ATG10: variants seen among roughly 807,000 people sequenced by gnomAD.
ATG10 encodes the protein autophagy related 10.
Under a neutral mutation model 32.1 loss-of-function variants are expected in ATG10, and 30 were observed. The ratio of observed to expected loss-of-function variants is 0.94; its 90% CI spans 0.70 to 1.27. The LOEUF (loss-of-function observed/expected upper bound fraction) is 1.27. Among genes scored for constraint, ATG10 ranks in the 50% most tolerant of loss-of-function variants. The pLI, the probability that ATG10 is intolerant of heterozygous loss-of-function variation, is 0.00. For synonymous variants in ATG10, 87 were observed against 91.5 expected (o/e 0.95, Z 0.28); for missense variants, 233 against 262.3 (o/e 0.89, Z 0.77).
At chr5:82,206,702 C>T (rs1345914259) in intron 5 of ATG10, among the ~76,000 whole-genome samples, 1 of 151,918 alleles carries the variant, frequency 6.6e-6, no homozygotes, top group African/African-American at 2.4e-5. Context: ...GTATACAGAT[C>T]CTTAATTATC....
chr5:82,235,500 AAAAC>A (rs1484309065), intron 5 of ATG10, among the ~76,000 whole-genome samples: 9 of 152,198 alleles, frequency 5.9e-5, no homozygotes, highest in Middle Eastern at 3.2e-3. Flanking sequence ...TTTTATTCTC[AAAAC>A]AAACAAACAA....
chr5:82,196,810 T>C (rs1744867078), intron 5 of ATG10, among the ~76,000 whole-genome samples: 1 of 152,232 alleles, frequency 6.6e-6, no homozygotes, highest in East Asian at 1.9e-4. Context: ...AGTCATTTTT[T>C]GAAATTGGGA....
intron 2 of ATG10, among the ~76,000 whole-genome samples, chr5:82,000,241 A>G (rs1247292705): frequency 6.6e-6 from 1 of 152,238 alleles, no homozygotes. Context: ...CAATAGATGC[A>G]GAAGACCTTT....
At chr5:82,139,121 G>T (rs1285062146) in intron 3 of ATG10, among the ~76,000 whole-genome samples, 1 of 146,196 alleles carries the variant, frequency 6.8e-6, no homozygotes, top group Admixed American at 6.7e-5. Flanking sequence ...CGGGATTGCA[G>T]ACGGAGTCTC....
chr5:82,094,566 A>G (rs1379571304), intron 3 of ATG10, among the ~76,000 whole-genome samples: 2 of 152,168 alleles, frequency 1.3e-5, no homozygotes, highest in Non-Finnish European at 2.9e-5. Flanking sequence ...ATCTAGAAAT[A>G]CATCCTAAGC....
At position 81,996,033 on chromosome 5, in the gene ATG10, CTTAAA is replaced by C. The variant is rs538033450; in HGVS notation, c.108+8358_108+8362del. On this transcript the variant is annotated intron_variant, in intron 2 of 7. Coordinates refer to ENST00000282185, the MANE Select transcript of ATG10 (RefSeq NM_031482.5). ...GCGATTGCTAAATATTTGATTTTTACTTAAATTTAATTATTCACTTTAAATTTATT... is the reference window on the plus strand; with the variant it reads ...GCGATTGCTAAATATTTGATTTTTACTTTAATTATTCACTTTAAATTTATT... Among the ~76,000 whole-genome samples the C allele has an allele frequency of 6.8e-4, 104 of 152,298 alleles. 1 individual carries two copies. The South Asian group carries it at 0.018, about 26-fold the overall frequency.
At chr5:82,188,818 T>G (rs76570691) in intron 5 of ATG10, among the ~76,000 whole-genome samples, 1 of 152,162 alleles carries the variant, frequency 6.6e-6, no homozygotes, top group South Asian at 2.1e-4. Context: ...CTTTTTTTTT[T>G]GTACAATAGT....
chr5:82,225,688 C>T (rs1181746529), intron 5 of ATG10, among the ~76,000 whole-genome samples: 1 of 152,114 alleles, frequency 6.6e-6, no homozygotes, highest in Non-Finnish European at 1.5e-5. Context: ...CCTTCCTTGC[C>T]GATTTCCACA....
chr5:81,987,670 C>A lies in ATG10; in HGVS notation c.100C>A (p.Pro34Thr). 1.2e-6 allele frequency: 2 copies of A among 1,600,444 alleles called. No individual in the cohort carries two copies. The highest frequency in any genetic ancestry group is 1.1e-5 in the South Asian group (1 of 88,710). The change falls in exon 2 of 8, where the codon CCA becomes ACA. Residue 34 changes from proline (P) to threonine (T), a missense_variant. Transcript: ENST00000282185. ...QQIGDSWEWR[P>T]SKDCSDGYMC... The stretch of plus-strand genomic sequence containing the variant: ...GATAGGTGATAGTTGGGAATGGAGA[C>A]CATCAAAGGTAAGAATGGAAATGTT...
At chr5:82,214,486 CTAATTA>C (rs1213549861) in intron 5 of ATG10, among the ~76,000 whole-genome samples, 1 of 152,086 alleles carries the variant, frequency 6.6e-6, no homozygotes, top group East Asian at 1.9e-4. Flanking sequence ...TAATTGGTTT[CTAATTA>C]TAATTACTAT....
intron 2 of ATG10, among the ~76,000 whole-genome samples, chr5:82,038,768 A>T (rs1763004843): frequency 6.6e-6 from 1 of 152,220 alleles, no homozygotes; most frequent in Admixed American, 6.5e-5. Context: ...GTAGAGCCTA[A>T]TGTCATGTTA....
chr5:82,162,952 T>C (rs1235594325), intron 3 of ATG10, among the ~76,000 whole-genome samples: 1 of 151,930 alleles, frequency 6.6e-6, no homozygotes, highest in Admixed American at 6.6e-5. Context: ...AAACCTGAGG[T>C]ATAGGAGTGC....
intron 3 of ATG10, among the ~76,000 whole-genome samples, chr5:82,089,234 C>T (rs564069320): frequency 9.2e-5 from 14 of 151,972 alleles, no homozygotes; most frequent in African/African-American, 3.4e-4. Flanking sequence ...CCCAGCTACT[C>T]AGGAGGCTAA....
intron 3 of ATG10, among the ~76,000 whole-genome samples, chr5:82,158,355 C>G (rs112207089): frequency 6.6e-6 from 1 of 150,950 alleles, no homozygotes; most frequent in Non-Finnish European, 1.5e-5. Flanking sequence ...GCTGCCCCCC[C>G]GCCCCCCATC....
Position 82,223,489 on chromosome 5 carries a change from G to T in ATG10, c.454-29073G>T, listed in dbSNP as rs572823062. ...CTATAGATCGCCCTTGAAAGTTAGA[G>T]ATAAGTTTCATCATCTTGGTGGCAT... On this transcript the variant is annotated intron_variant, in intron 5 of 7. Transcript: ENST00000282185. Among the ~76,000 whole-genome samples, 6 of 152,214 alleles carry T rather than the reference G, an allele frequency of 3.9e-5. No homozygotes were observed. In the South Asian group the frequency reaches 1.2e-3, roughly 32 times the overall value.
In ATG10 at chr5:82,089,870, A is replaced by G. The variant is rs560617447; in HGVS notation, c.216+31268A>G. Among the ~76,000 whole-genome samples, 29 of 152,242 alleles carry G rather than the reference A, an allele frequency of 1.9e-4. 1 individual carries two copies. In the South Asian group the frequency reaches 3.9e-3, roughly 21 times the overall value. ...ATCCAAAAAAAGGACTAGTACTGAG[A>G]GTATATAAAGAACTCCCAGAACTTA... is the stretch of plus-strand genomic sequence containing the variant. On this transcript the variant is annotated intron_variant, in intron 3 of 7. Transcript: ENST00000282185.
intron 4 of ATG10, among the ~76,000 whole-genome samples, chr5:82,177,914 C>G (rs1744094332): frequency 6.6e-6 from 1 of 152,080 alleles, no homozygotes; most frequent in Admixed American, 6.6e-5. Flanking sequence ...GAGCTTCAGT[C>G]TTCTTCAGGC....
At chr5:82,067,750 A>G (rs569506085) in intron 3 of ATG10, among the ~76,000 whole-genome samples, 3 of 152,326 alleles carry the variant, frequency 2.0e-5, no homozygotes, top group African/African-American at 4.8e-5. Context: ...CTAAATATAC[A>G]TAGGTAACTA....
intron 3 of ATG10, among the ~76,000 whole-genome samples, chr5:82,099,201 A>G (rs1202424628): frequency 6.6e-6 from 1 of 152,198 alleles, no homozygotes; most frequent in Non-Finnish European, 1.5e-5. Flanking sequence ...ACCTCTATAA[A>G]GGAAAGAATG....
Sources: allele counts gnomAD v4.1 joint callset (sites outside exome capture counted in the v4.1 genomes callset), GRCh38; gene constraint gnomAD v4.1.1; transcripts MANE v1.5; gene names NCBI Gene and HGNC (gene_info 2026-07-23, HGNC 2026-07-21).